The following HELZ2 variants were observed in gnomAD, a reference collection of about 807,000 sequenced individuals.
HELZ2 encodes 3'-5' exoribonuclease HELZ2.
HELZ2 carries 143 observed loss-of-function variants against 208.8 expected under a neutral mutation model. That is an observed-to-expected ratio of 0.68 (90% CI 0.60 to 0.79). HELZ2 has a LOEUF of 0.79. Among genes scored for constraint, HELZ2 ranks in the 30% least tolerant of loss-of-function variants. The pLI, the probability that HELZ2 is intolerant of heterozygous loss-of-function variation, is 0.00. For synonymous variants in HELZ2, 1,705 were observed against 1,693.7 expected (o/e 1.01, Z -0.16); for missense variants, 3,690 against 3,794.5 (o/e 0.97, Z 0.72).
chr20:63,563,575 C>G (rs568471174), exon 8 of HELZ2: 209 of 1,526,818 alleles, frequency 1.4e-4, no homozygotes, highest in Middle Eastern at 1.3e-3. Context: ...AGCGGGAGCC[C>G]GCCTCCACGT....
rs201961315 is a variant in HELZ2, at chr20:63,566,937, G to A, written c.2421C>T (p.Val807=). ...TGTAGGCCTCCTGCACCTTCTCGAC[G>A]ACCTGCGCAATCTCAGCCAGATTCA... is the stretch of plus-strand genomic sequence containing the variant. The change falls in exon 6 of 19, where the codon GTC becomes GTT. Residue 807 remains valine (V), a synonymous_variant. Coordinates refer to ENST00000467148, the Ensembl canonical transcript of HELZ2. The A allele has an allele frequency of 1.3e-5, 21 of 1,610,590 alleles. No homozygotes were observed. The South Asian group carries it at 1.5e-4, about 12-fold the overall frequency.
Position 63,559,378 on chromosome 20 carries a change from G to T in HELZ2, c.7826-8C>A. On this transcript the variant is annotated splice_polypyrimidine_tract_variant and splice_region_variant and intron_variant, in intron 18 of 18. Transcript: ENST00000467148. ...GCAGAAGGAGGTGGTCTCCTGTGAG[G>T]GTGGGAGTCAGATGGGAGTCAGTCA... The T allele has an allele frequency of 6.3e-7, 1 of 1,588,078 alleles. No homozygotes were observed. The highest frequency in any genetic ancestry group is 8.6e-7 in the Non-Finnish European group (1 of 1,163,548).
At position 63,570,675 on chromosome 20, in the gene HELZ2, G is replaced by A; in HGVS notation, c.462+10C>T. 2.9e-6 allele frequency: 4 copies of A among 1,369,010 alleles called. No homozygotes were observed. Among genetic ancestry groups the A allele is most frequent in the Non-Finnish European group, 4.0e-6 (4 of 1,003,866 alleles). 84.8% of individuals were successfully genotyped at this position (1,369,010 alleles called of 1,614,324 possible). On this transcript the variant is annotated intron_variant, in intron 2 of 18. Transcript: ENST00000467148. ...CCACCCCACCCCACCCACTCCCAGG[G>A]CCCACTTACCACAAGGACCTCACTG...
At chr20:63,559,178 G>A (rs2146002386), downstream of HELZ2, 2 of 1,438,792 alleles carry the variant, frequency 1.4e-6, no homozygotes, top group South Asian at 2.8e-5. Context: ...GCGGAGGGTG[G>A]TGGGGAGGGT....
exon 4 of HELZ2, chr20:63,569,655 A>G: frequency 6.5e-7 from 1 of 1,532,178 alleles, no homozygotes; most frequent in South Asian, 1.2e-5. Context: ...GGCCACGTGT[A>G]GCAGGGGCTC....
Position 63,569,864 on chromosome 20 carries a change from G to A in HELZ2, c.571-199C>T, listed in dbSNP as rs2083000947. 2.6e-5 allele frequency among the ~76,000 whole-genome samples: 4 copies of A among 152,324 alleles called. 1 individual carries two copies. The East Asian group carries it at 5.8e-4, about 22-fold the overall frequency. On this transcript the variant is annotated intron_variant, in intron 3 of 18. Coordinates refer to ENST00000467148, the Ensembl canonical transcript of HELZ2. ...ATGGGGGTGGCTGAACCCTCCTGGGGCCCCTGTGGATGTCCCGTGGGGCAG... is the reference window on the plus strand; with the variant it reads ...ATGGGGGTGGCTGAACCCTCCTGGGACCCCTGTGGATGTCCCGTGGGGCAG...
exon 5 of HELZ2, chr20:63,568,539 G>A (rs151312101): frequency 1.8e-5 from 29 of 1,582,914 alleles, no homozygotes; most frequent in Middle Eastern, 1.7e-4. Flanking sequence ...TCCTGCTTGC[G>A]GTTGCCACGC....
intron 5 of HELZ2, 31 bp downstream of exon 6, chr20:63,568,327 T>G: frequency 6.5e-7 from 1 of 1,532,284 alleles, no homozygotes; most frequent in Non-Finnish European, 9.0e-7. Context: ...GGGCGTCAGG[T>G]GAGGTGGGGG....
rs762500599 is a variant in HELZ2, at chr20:63,567,151, C to T, written c.2207G>A (p.Arg736His). 1.8e-5 allele frequency: 29 copies of T among 1,610,024 alleles called. No homozygotes were observed. Among genetic ancestry groups the T allele is most frequent in the East Asian group, 4.5e-5 (2 of 44,890 alleles). The stretch of plus-strand genomic sequence containing the variant: ...GCGGTAGTTCTCGTGGAAGACCAGG[C>T]GGCTCTGCCGCGCCACCTCGTGAGT... Residue 736 changes from arginine to histidine, a missense_variant, in exon 6 of 19, where the codon CGC becomes CAC. Coordinates refer to ENST00000467148, the Ensembl canonical transcript of HELZ2.
At chr20:63,560,769 C>G in intron 15 of HELZ2, 26 bp downstream of exon 16, 1 of 1,606,454 alleles carries the variant, frequency 6.2e-7, no homozygotes. Context: ...TGCAGGTGGG[C>G]TGGGGGCTGA....
exon 1 of HELZ2, chr20:63,572,362 C>A: frequency 1.3e-6 from 2 of 1,552,934 alleles, no homozygotes; most frequent in East Asian, 2.3e-5. Context: ...GGCCACCCAG[C>A]TGCTCGGCCT....
exon 8 of HELZ2, chr20:63,564,852 G>A: frequency 6.2e-7 from 1 of 1,611,838 alleles, no homozygotes; most frequent in Non-Finnish European, 8.5e-7. Context: ...AGCTCCGTGT[G>A]GTATTTCTGC....
At chr20:63,562,201 T>A in exon 10 of HELZ2, 2 of 1,611,668 alleles carry the variant, frequency 1.2e-6, no homozygotes, top group Non-Finnish European at 1.7e-6. Context: ...CTGCTGGGGA[T>A]CACTGAGAGG....
chr20:63,561,130 C>T (rs878864584), exon 14 of HELZ2: 16 of 1,612,868 alleles, frequency 9.9e-6, no homozygotes, highest in African/African-American at 4.0e-5. Flanking sequence ...TTTCAGGTTC[C>T]GTGGCCATGC....
chr20:63,564,171 G>A lies in HELZ2; in HGVS notation c.4651C>T (p.Pro1551Ser). Residue 1551 changes from proline to serine, a missense_variant, in exon 8 of 19, where the codon CCT becomes TCT. This residue lies in a region of HELZ2 where 2,564 missense variants were observed against 2,580.5 expected (regional missense o/e 0.99). Coordinates refer to ENST00000467148, the Ensembl canonical transcript of HELZ2. Reference sequence around the variant, plus strand: ...CGGGGTGCTGGCTGCCACCGCAGAGGCGTGACCGTCCGCGTGCACTCGCTG... The same window carrying A: ...CGGGGTGCTGGCTGCCACCGCAGAGACGTGACCGTCCGCGTGCACTCGCTG... 1 of 1,611,766 alleles carries A rather than the reference G, an allele frequency of 6.2e-7. No homozygotes were observed. The highest frequency in any genetic ancestry group is 8.5e-7 in the Non-Finnish European group (1 of 1,179,588).
exon 17 of HELZ2, chr20:63,560,305 G>T: frequency 1.3e-6 from 2 of 1,555,708 alleles, no homozygotes; most frequent in East Asian, 2.3e-5. Context: ...CCTCCCCAGG[G>T]TCAGCTGCTT....
chr20:63,559,206 T>C, exon 19 of HELZ2: 9 of 1,481,064 alleles, frequency 6.1e-6, no homozygotes, highest in Admixed American at 2.2e-5. Context: ...CCCTGGACTT[T>C]CCCTCCCAGT....
At chr20:63,572,892 G>C (rs1275595140), upstream of HELZ2, 1 of 154,942 alleles carries the variant, frequency 6.5e-6, no homozygotes, top group South Asian at 1.9e-4. Context: ...AAGGTGGGCC[G>C]GCAGCCCACC....
downstream of HELZ2, chr20:63,558,914 C>T (rs76044204): frequency 2.2e-4 from 49 of 227,850 alleles, 1 homozygote; most frequent in East Asian, 2.3e-3. Context: ...TTACAGGTGG[C>T]GTCCAAAGGT....
Sources: allele counts gnomAD v4.1 joint callset (sites outside exome capture counted in the v4.1 genomes callset), GRCh38; gene constraint gnomAD v4.1.1; regional missense constraint gnomAD v4.1.1; transcripts MANE v1.5; gene names NCBI Gene and HGNC (gene_info 2026-07-23, HGNC 2026-07-21).